CDIN1: variants seen among roughly 807,000 people sequenced by gnomAD.
CDIN1 encodes CDAN1 interacting nuclease 1, also known as CDAN1-interacting nuclease 1.
A neutral mutation model predicts 45.3 loss-of-function variants in CDIN1; 33 were observed. The ratio of observed to expected loss-of-function variants is 0.73; its 90% confidence interval spans 0.55 to 0.97. The LOEUF (loss-of-function observed/expected upper bound fraction) is 0.97. CDIN1 is among the 50% of genes least tolerant of loss of function. The pLI is 0.00. For missense variants in CDIN1, 303 were observed against 339.4 expected, an observed-to-expected ratio of 0.89 and a Z score of 0.84; for synonymous variants, 118 against 124.4, an observed-to-expected ratio of 0.95 and a Z score of 0.34.
intron 3 of CDIN1, 139 bp from the exon 4 acceptor site, chr15:36,653,959 C>A: frequency 1.6e-6 from 1 of 612,894 alleles, no homozygotes; most frequent in East Asian, 2.9e-5. Flanking sequence ...TCAGTGCTTT[C>A]CTATGAAAGT....
intron 10 of CDIN1, among the ~76,000 whole-genome samples, chr15:36,795,167 G>C (rs1300458379): frequency 6.6e-6 from 1 of 152,126 alleles, no homozygotes; most frequent in Non-Finnish European, 1.5e-5. Flanking sequence ...GATGAAAAGA[G>C]GTTGGTTAAT....
intron 8 of CDIN1, chr15:36,704,367 T>G (rs1178951347): frequency 6.6e-6 from 1 of 152,196 alleles, no homozygotes; most frequent in Non-Finnish European, 1.5e-5. Flanking sequence ...AAGATTTCAT[T>G]TATCGGTGCT....
chr15:36,676,297 A>G (rs1213569929), intron 5 of CDIN1, among the ~76,000 whole-genome samples: 2 of 152,146 alleles, frequency 1.3e-5, no homozygotes, highest in African/African-American at 4.8e-5. Context: ...GAAAAAGAAC[A>G]CACTTTTGTG....
chr15:36,805,042 C>A (rs546273003), intron 10 of CDIN1, among the ~76,000 whole-genome samples: 1 of 152,140 alleles, frequency 6.6e-6, no homozygotes, highest in Non-Finnish European at 1.5e-5. Flanking sequence ...TTCTTGCCTT[C>A]ATGGTCTGTG....
chr15:36,633,632 A>G (rs2039773060), intron 1 of CDIN1, among the ~76,000 whole-genome samples: 2 of 152,138 alleles, frequency 1.3e-5, no homozygotes, highest in African/African-American at 4.8e-5. Flanking sequence ...GAATTTTAAC[A>G]TACATTTATT....
chr15:36,808,914 T>C lies in CDIN1; in HGVS notation c.*461T>C. On this transcript the variant is annotated 3_prime_UTR_variant, in exon 11 of 11. Coordinates refer to ENST00000566621, the MANE Select transcript of CDIN1 (RefSeq NM_001321759.2). ...CATGTGCACTCACAGAGACCCAGCA[T>C]TGCATTACCATCGTGGAATAATCTA... The C allele has an allele frequency of 1.8e-5, 8 of 456,262 alleles. No individual in the cohort carries two copies. Among genetic ancestry groups the C allele is most frequent in the South Asian group, 1.2e-4 (8 of 64,546 alleles). 28.3% of individuals were successfully genotyped at this position (456,262 alleles called of 1,614,324 possible).
intron 5 of CDIN1, among the ~76,000 whole-genome samples, chr15:36,685,620 G>A (rs888983246): frequency 6.6e-6 from 1 of 152,032 alleles, no homozygotes; most frequent in South Asian, 2.1e-4. Context: ...GAGTGAACAG[G>A]CAACCTACAA....
In CDIN1 at chr15:36,734,726, C is replaced by G. The variant is rs1386570465; in HGVS notation, c.716+24765C>G. ...TAGGACACTTCATTCAAAAACAAAT[C>G]AATCTCAGAAGGTTGTGTTTTTAAG... On this transcript the variant is annotated intron_variant, in intron 10 of 10. Transcript: ENST00000566621. Among the ~76,000 whole-genome samples, 4 of 152,140 alleles carry G rather than the reference C, an allele frequency of 2.6e-5. No individual in the cohort carries two copies. In the East Asian group the frequency reaches 5.8e-4, roughly 22 times the overall value.
intron 5 of CDIN1, among the ~76,000 whole-genome samples, chr15:36,671,474 G>A (rs921597443): frequency 1.3e-5 from 2 of 152,010 alleles, no homozygotes; most frequent in African/African-American, 2.4e-5. Flanking sequence ...GACATATTGT[G>A]TGTGTGTTTC....
chr15:36,721,376 C>T (rs907129492), intron 10 of CDIN1, among the ~76,000 whole-genome samples: 1 of 152,248 alleles, frequency 6.6e-6, no homozygotes, highest in South Asian at 2.1e-4. Flanking sequence ...TTACATATTG[C>T]ATTTTCATTT....
rs759496531 is a variant in CDIN1 at position 36,692,942 on chromosome 15, G to A, written c.476+767G>A. 2.1e-4 allele frequency among the ~76,000 whole-genome samples: 32 copies of A among 152,214 alleles called. No individual in the cohort carries two copies. The Middle Eastern group carries it at 0.014, about 65-fold the overall frequency. On this transcript the variant is annotated intron_variant, in intron 7 of 10. Transcript: ENST00000566621. ...AGGTGCTATTTAAATGGTAAATAAT[G>A]AGTAATTTTTATGAGAATAATTTCT...
At chr15:36,644,233 C>G in intron 1 of CDIN1, 45 bp from the exon 2 acceptor site, 1 of 1,583,754 alleles carries the variant, frequency 6.3e-7, no homozygotes, top group Non-Finnish European at 8.7e-7. Context: ...GTTTCTTTGC[C>G]GTGCACTCCA....
At chr15:36,796,330 C>G (rs1802721152) in intron 10 of CDIN1, among the ~76,000 whole-genome samples, 1 of 152,158 alleles carries the variant, frequency 6.6e-6, no homozygotes. Context: ...ATAGAGAAAT[C>G]TTGGGGCTAT....
chr15:36,798,077 ATCT>A lies in CDIN1; in HGVS notation c.717-10237_717-10235del, dbSNP rs537593204. Among the ~76,000 whole-genome samples, 30 of 151,682 alleles carry A rather than the reference ATCT, an allele frequency of 2.0e-4. 1 individual carries two copies. The highest frequency in any genetic ancestry group is 6.3e-4 in the South Asian group (3 of 4,788). On this transcript the variant is annotated intron_variant, in intron 10 of 10. Coordinates refer to ENST00000566621, the MANE Select transcript of CDIN1 (RefSeq NM_001321759.2). The stretch of plus-strand genomic sequence containing the variant: ...TTTCCAAATGAGTAGTAACACTGAC[ATCT>A]TCTTCTTCTAGGGCAAGGGACTGTA...
intron 10 of CDIN1, among the ~76,000 whole-genome samples, chr15:36,785,112 T>G (rs1182065683): frequency 2.0e-5 from 3 of 152,192 alleles, no homozygotes; most frequent in African/African-American, 7.2e-5. Context: ...TGGTTCTTAC[T>G]TTTGCACATT....
intron 10 of CDIN1, among the ~76,000 whole-genome samples, chr15:36,780,705 A>G (rs1376754265): frequency 6.6e-6 from 1 of 152,214 alleles, no homozygotes; most frequent in African/African-American, 2.4e-5. Flanking sequence ...TATTAATTCT[A>G]TGTGTATCTC....
At chr15:36,766,544 T>A (rs950105951) in intron 10 of CDIN1, among the ~76,000 whole-genome samples, 2 of 152,236 alleles carry the variant, frequency 1.3e-5, no homozygotes, top group African/African-American at 4.8e-5. Flanking sequence ...AAGGTTCCAG[T>A]TTGTCTACAT....
At chr15:36,651,641 A>G (rs1004289037) in intron 3 of CDIN1, among the ~76,000 whole-genome samples, 1 of 152,184 alleles carries the variant, frequency 6.6e-6, no homozygotes, top group Non-Finnish European at 1.5e-5. Context: ...CACCATGTTC[A>G]ATGTATGTGG....
intron 3 of CDIN1, among the ~76,000 whole-genome samples, chr15:36,647,950 C>G (rs997459935): frequency 6.6e-6 from 1 of 151,784 alleles, no homozygotes; most frequent in Non-Finnish European, 1.5e-5. Context: ...CGCCATTCTC[C>G]TGGCTCAGCC....
Sources: gnomAD v4.1 joint callset for allele counts (sites outside exome capture counted in the v4.1 genomes callset) on GRCh38, gnomAD v4.1.1 for gene constraint, MANE v1.5 for transcripts, NCBI Gene and HGNC (gene_info 2026-07-23, HGNC 2026-07-21) for gene names.